SYT14: variants seen among roughly 807,000 people sequenced by gnomAD.
SYT14 encodes synaptotagmin 14.
Under a neutral mutation model 74.2 loss-of-function variants are expected in SYT14, and 32 were observed. That is an observed-to-expected ratio of 0.43 (90% CI 0.33 to 0.58). SYT14 has a LOEUF of 0.58. Ranked by LOEUF, SYT14 falls within the 20% of genes least tolerant of loss-of-function variation. The pLI is 0.05. For missense variants in SYT14, 791 were observed against 981.8 expected, an observed-to-expected ratio of 0.81 and a Z score of 2.60; for synonymous variants, 298 against 337.7, an observed-to-expected ratio of 0.88 and a Z score of 1.29.
intron 2 of SYT14, among the ~76,000 whole-genome samples, chr1:209,994,949 A>T (rs1465803565): frequency 6.6e-6 from 1 of 152,230 alleles, no homozygotes; most frequent in African/African-American, 2.4e-5. Flanking sequence ...ATGCTGAGGA[A>T]ATTTGTTTCA....
exon 8 of SYT14, chr1:210,155,787 C>T: frequency 6.2e-7 from 1 of 1,614,038 alleles, no homozygotes. Flanking sequence ...ATGTCAGTCT[C>T]TTGAACATGG....
At chr1:209,957,003 T>C (rs1203122381) in intron 2 of SYT14, among the ~76,000 whole-genome samples, 2 of 152,112 alleles carry the variant, frequency 1.3e-5, no homozygotes, top group Non-Finnish European at 2.9e-5. Flanking sequence ...TTCTGCCTTT[T>C]TTTCTTCTGC....
At chr1:210,124,972 G>T (rs938120428) in intron 7 of SYT14, among the ~76,000 whole-genome samples, 1 of 151,828 alleles carries the variant, frequency 6.6e-6, no homozygotes, top group Non-Finnish European at 1.5e-5. Flanking sequence ...TGCATGATTT[G>T]CGAAGTTAAA....
chr1:209,997,901 TCAA>T (rs1007663922), intron 2 of SYT14, among the ~76,000 whole-genome samples: 2 of 152,218 alleles, frequency 1.3e-5, no homozygotes, highest in Non-Finnish European at 2.9e-5. Flanking sequence ...ATTTAAGAAT[TCAA>T]CATTCTTCTT....
exon 10 of SYT14, chr1:210,164,180 C>T (rs1362664530): frequency 2.7e-6 from 1 of 372,500 alleles, no homozygotes; most frequent in South Asian, 2.1e-5. Flanking sequence ...GTCTTCAGTA[C>T]AATCCACTTT....
intron 5 of SYT14, among the ~76,000 whole-genome samples, chr1:210,042,255 C>T (rs1356499845): frequency 1.3e-5 from 2 of 152,118 alleles, no homozygotes; most frequent in Non-Finnish European, 2.9e-5. Context: ...ACCAAAAGCA[C>T]AGTGAAACAA....
At chr1:210,149,582 T>C (rs1402718288) in intron 7 of SYT14, among the ~76,000 whole-genome samples, 1 of 152,232 alleles carries the variant, frequency 6.6e-6, no homozygotes, top group Non-Finnish European at 1.5e-5. Flanking sequence ...GAATGTTCTA[T>C]GATTCATTTT....
At chr1:210,031,728 T>C (rs1432131741) in intron 5 of SYT14, among the ~76,000 whole-genome samples, 1 of 152,146 alleles carries the variant, frequency 6.6e-6, no homozygotes, top group Non-Finnish European at 1.5e-5. Flanking sequence ...TCCTTTAATA[T>C]CATTGTGGCC....
intron 1 of SYT14, among the ~76,000 whole-genome samples, chr1:209,950,381 C>G (rs1216889549): frequency 1.3e-5 from 2 of 152,212 alleles, no homozygotes; most frequent in South Asian, 4.1e-4. Context: ...TGGTAAATAT[C>G]CAGTCATTGG....
At position 209,984,031 on chromosome 1, in the gene SYT14, A is replaced by T. The variant is rs565979053; in HGVS notation, c.-485-29602A>T. 4.6e-5 allele frequency among the ~76,000 whole-genome samples: 7 copies of T among 152,334 alleles called. No individual in the cohort carries two copies. The South Asian group carries it at 1.5e-3, about 32-fold the overall frequency. On this transcript the variant is annotated intron_variant, in intron 2 of 9. Transcript: ENST00000637265. The stretch of plus-strand genomic sequence containing the variant: ...GTTTTCCTAAATGTCTGGATCCAAA[A>T]AAACCAACCAAAGATGTATGTGCCA...
At chr1:209,981,979 G>A (rs987915810) in intron 2 of SYT14, among the ~76,000 whole-genome samples, 3 of 151,598 alleles carry the variant, frequency 2.0e-5, no homozygotes, top group South Asian at 2.1e-4. Context: ...TATCTTGTAG[G>A]TGTTGCCTCG....
chr1:210,104,708 ATTACATT>A (rs2082127936), intron 7 of SYT14, among the ~76,000 whole-genome samples: 1 of 152,112 alleles, frequency 6.6e-6, no homozygotes, highest in South Asian at 2.1e-4. Context: ...TGTTAATATT[ATTACATT>A]TATTGATTGA....
intron 7 of SYT14, among the ~76,000 whole-genome samples, chr1:210,113,151 G>C (rs974377682): frequency 6.6e-6 from 1 of 151,314 alleles, no homozygotes; most frequent in Non-Finnish European, 1.5e-5. Flanking sequence ...TAAGAACTCT[G>C]ACCGCACAGC....
intron 5 of SYT14, among the ~76,000 whole-genome samples, chr1:210,075,092 C>G (rs986642882): frequency 7.9e-5 from 12 of 152,164 alleles, no homozygotes; most frequent in Non-Finnish European, 1.6e-4. Context: ...CCCTGGAGTC[C>G]GACCGCTCAG....
chr1:210,157,874 G>A (rs981413400), intron 8 of SYT14, among the ~76,000 whole-genome samples: 2 of 152,070 alleles, frequency 1.3e-5, no homozygotes, highest in South Asian at 4.1e-4. Flanking sequence ...GAAGTAAAAA[G>A]TTACTATAAT....
intron 2 of SYT14, among the ~76,000 whole-genome samples, chr1:209,962,274 A>G (rs1423376727): frequency 1.3e-5 from 2 of 151,322 alleles, no homozygotes; most frequent in East Asian, 1.9e-4. Flanking sequence ...TTTTTTTTAT[A>G]TATATATATA....
At chr1:209,943,508 C>CAAAAAAAAAAAA (rs58806792) in intron 1 of SYT14, among the ~76,000 whole-genome samples, 1 of 59,308 alleles carries the variant, frequency 1.7e-5, no homozygotes, top group Non-Finnish European at 2.9e-5. Flanking sequence ...GATTCAATCT[C>CAAAAAAAAAAAA]AAAAAAAAAA....
chr1:209,977,436 A>G (rs944818732), intron 2 of SYT14, among the ~76,000 whole-genome samples: 2 of 152,124 alleles, frequency 1.3e-5, no homozygotes, highest in African/African-American at 4.8e-5. Flanking sequence ...GCTTGTCTGT[A>G]AAGGATTTTA....
intron 2 of SYT14, among the ~76,000 whole-genome samples, chr1:210,003,459 G>A (rs1017095358): frequency 6.6e-6 from 1 of 152,030 alleles, no homozygotes; most frequent in East Asian, 1.9e-4. Flanking sequence ...TAACATTTCT[G>A]TTATTCTAAT....
Sources: allele counts gnomAD v4.1 joint callset (sites outside exome capture counted in the v4.1 genomes callset), GRCh38; gene constraint gnomAD v4.1.1; transcripts MANE v1.5; gene names NCBI Gene and HGNC (gene_info 2026-07-23, HGNC 2026-07-21).